Variants in TIMM17A observed in about 807,000 individuals in gnomAD.
TIMM17A encodes mitochondrial import inner membrane translocase subunit Tim17-A.
TIMM17A carries 15 observed loss-of-function variants against 26.5 expected under a neutral mutation model. The ratio of observed to expected loss-of-function variants is 0.57; its 90% confidence interval spans 0.38 to 0.87. The LOEUF is 0.87. Among genes scored for constraint, TIMM17A ranks in the 40% least tolerant of loss-of-function variants. The pLI, the probability that TIMM17A is intolerant of heterozygous loss-of-function variation, is 0.00. For missense variants in TIMM17A, 201 were observed against 210.0 expected, an observed-to-expected ratio of 0.96 and a Z score of 0.27; for synonymous variants, 80 against 70.8, an observed-to-expected ratio of 1.13 and a Z score of -0.66.
intron 3 of TIMM17A, among the ~76,000 whole-genome samples, chr1:201,961,771 A>T (rs1164610383): frequency 2.6e-5 from 4 of 152,078 alleles, no homozygotes; most frequent in Admixed American, 6.6e-5. Context: ...ACAAGTTTAT[A>T]TTGATATCTC....
intron 4 of TIMM17A, among the ~76,000 whole-genome samples, chr1:201,964,635 CTTTTTTTTTTTTT>C (rs570309464): frequency 3.3e-5 from 3 of 90,952 alleles, no homozygotes; most frequent in African/African-American, 1.0e-4. Context: ...TATTTTATTT[CTTTTTTTTTTTTT>C]TTTTTTTTTT....
chr1:201,967,358 G>A (rs2102946348), intron 5 of TIMM17A, among the ~76,000 whole-genome samples: 1 of 151,982 alleles, frequency 6.6e-6, no homozygotes, highest in East Asian at 1.9e-4. Context: ...ATTTTGTTTT[G>A]ACTGCTTCAG....
intron 3 of TIMM17A, among the ~76,000 whole-genome samples, chr1:201,961,039 C>T (rs961288604): frequency 6.6e-6 from 1 of 151,694 alleles, no homozygotes; most frequent in Non-Finnish European, 1.5e-5. Flanking sequence ...CATGAGCCAC[C>T]ACGCCCGGAC....
intron 1 of TIMM17A, 63 bp from the exon 2 acceptor site, chr1:201,957,218 G>A (rs1682429198): frequency 1.8e-6 from 2 of 1,082,100 alleles, no homozygotes; most frequent in Non-Finnish European, 1.4e-6. Flanking sequence ...TTACTGTATT[G>A]GCAAAGAAGA....
chr1:201,964,742 G>A (rs554191924), intron 4 of TIMM17A, among the ~76,000 whole-genome samples: 37 of 138,002 alleles, frequency 2.7e-4, no homozygotes, highest in African/African-American at 9.6e-4. Context: ...TCTGCCTCCC[G>A]GGTTCAAGCG....
Position 201,969,628 on chromosome 1 carries a change from CT to C in TIMM17A, c.*75del. 1 of 1,343,628 alleles carries C rather than the reference CT, an allele frequency of 7.4e-7. No homozygotes were observed. The highest frequency in any genetic ancestry group is 1.1e-6 in the Non-Finnish European group (1 of 939,452). 83.2% of individuals were successfully genotyped at this position (1,343,628 alleles called of 1,614,324 possible). A position where few individuals can be genotyped will look rare whatever the true frequency, so the allele number is the denominator to read the frequency against. On this transcript the variant is annotated 3_prime_UTR_variant, in exon 6 of 6. Transcript: ENST00000367287. ...GGATTTCAGAAGATCAAGTTACAGT[CT>C]GTTTTTAAAACCATAGGTGGGACAG...
intron 4 of TIMM17A, 25 bp from the exon 5 acceptor site, chr1:201,965,408 A>G: frequency 6.7e-7 from 1 of 1,489,188 alleles, no homozygotes; most frequent in Non-Finnish European, 9.4e-7. Context: ...GTAAAAAATA[A>G]TCTCTTTGTT....
intron 5 of TIMM17A, among the ~76,000 whole-genome samples, chr1:201,968,324 T>A (rs565994620): frequency 6.6e-6 from 1 of 152,008 alleles, no homozygotes; most frequent in South Asian, 2.1e-4. Flanking sequence ...GAAAAAAGGT[T>A]AGACAGAACT....
Position 201,957,354 on chromosome 1 carries a change from A to T in TIMM17A, c.100A>T (p.Ile34Phe). The T allele has an allele frequency of 6.2e-7, 1 of 1,613,976 alleles. No individual in the cohort carries two copies. The change falls in exon 2 of 6, where the codon ATC becomes TTC. Residue 34 changes from isoleucine (I) to phenylalanine (F), a missense_variant. By Grantham distance (21) the Ile-to-Phe change is conservative (BLOSUM62 0). Coordinates refer to ENST00000367287, the MANE Select transcript of TIMM17A (RefSeq NM_006335.3). ...GTIGGGIFQA[I>F]KGFRNSPVGV... ...CATTGGTGGTGGTATCTTTCAAGCA[A>T]TCAAAGGTTTTCGCAATTCTCCAGT...
At chr1:201,963,870 A>G (rs1682577163) in intron 4 of TIMM17A, 126 bp downstream of exon 4, 1 of 1,101,534 alleles carries the variant, frequency 9.1e-7, no homozygotes, top group Non-Finnish European at 1.2e-6. Flanking sequence ...TCATGACTAT[A>G]ATTCCATCAC....
At chr1:201,960,797 G>T in intron 3 of TIMM17A, among the ~76,000 whole-genome samples, 1 of 151,890 alleles carries the variant, frequency 6.6e-6, no homozygotes. Flanking sequence ...CACCCAGGCT[G>T]GAGTGTGGTG....
chr1:201,959,857 C>T (rs1025291601), intron 3 of TIMM17A, among the ~76,000 whole-genome samples: 3 of 151,428 alleles, frequency 2.0e-5, no homozygotes, highest in African/African-American at 4.9e-5. Context: ...AAAAATTAGC[C>T]GGGCATGGTG....
At chr1:201,968,982 G>A (rs796470300) in intron 5 of TIMM17A, among the ~76,000 whole-genome samples, 3 of 151,738 alleles carry the variant, frequency 2.0e-5, no homozygotes, top group South Asian at 4.2e-4. Context: ...TAAGCTAGGG[G>A]GTGTCTTCCC....
rs1682439247 is a variant in TIMM17A at position 201,957,573 on chromosome 1, A to T, written c.189A>T (p.Gly63=). 1 of 1,610,890 alleles carries T rather than the reference A, an allele frequency of 6.2e-7. No individual in the cohort carries two copies. The highest frequency in any genetic ancestry group is 8.5e-7 in the Non-Finnish European group (1 of 1,179,188). The change falls in exon 3 of 6, where the codon GGA becomes GGT. Residue 63 remains glycine (G), a splice_region_variant and synonymous_variant. Transcript: ENST00000367287. ...TTAAAACCAGGGCTCCACAGTTAGG[A>T]GGTAAGCAGAATTTTCATTTTAACT... The part of the protein sequence containing the change: ...TAIKTRAPQL[G]GSFAVWGGLF...
At position 201,957,590 on chromosome 1, in the gene TIMM17A, A is replaced by G. The variant is rs765346267; in HGVS notation, c.190+16A>G. ...CAGTTAGGAGGTAAGCAGAATTTTC[A>G]TTTTAACTGAACTATTTTTTTCTGT... is the stretch of plus-strand genomic sequence containing the variant. On this transcript the variant is annotated intron_variant, in intron 3 of 5. Coordinates refer to ENST00000367287, the MANE Select transcript of TIMM17A (RefSeq NM_006335.3). The G allele has an allele frequency of 2.1e-5, 33 of 1,598,992 alleles. No individual in the cohort carries two copies. Among genetic ancestry groups the G allele is most frequent in the Admixed American group, 5.2e-5 (3 of 57,968 alleles).
rs1013362182 is a variant in TIMM17A, at chr1:201,963,538, A to G, written c.191-78A>G. ...TATAAATTTTGAGACTATAGTGAGT[A>G]TGTTTTTGACTATAATATTTTAAAT... On this transcript the variant is annotated intron_variant, in intron 3 of 5. Coordinates refer to ENST00000367287, the MANE Select transcript of TIMM17A (RefSeq NM_006335.3). 13 of 1,471,278 alleles carry G rather than the reference A, an allele frequency of 8.8e-6. No homozygotes were observed. The East Asian group carries it at 9.3e-5, about 11-fold the overall frequency. The allele number at this position is 1,471,278 out of a possible 1,614,324, so 91.1% of individuals were successfully genotyped here.
intron 5 of TIMM17A, among the ~76,000 whole-genome samples, chr1:201,966,344 G>A (rs902584879): frequency 4.6e-5 from 7 of 151,746 alleles, no homozygotes; most frequent in African/African-American, 1.7e-4. Flanking sequence ...GCTGGTCGAT[G>A]GAGCGAGACT....
intron 4 of TIMM17A, among the ~76,000 whole-genome samples, chr1:201,963,946 G>C (rs1437166116): frequency 6.6e-6 from 1 of 151,028 alleles, no homozygotes; most frequent in Admixed American, 6.7e-5. Context: ...GGGAGACCTG[G>C]TCTCTACAAA....
intron 5 of TIMM17A, among the ~76,000 whole-genome samples, chr1:201,969,042 A>C (rs901942644): frequency 6.6e-6 from 1 of 152,214 alleles, no homozygotes; most frequent in African/African-American, 2.4e-5. Context: ...TGGATTACCA[A>C]GTTCTCTTAA....
Sources: gnomAD v4.1 joint callset for allele counts (sites outside exome capture counted in the v4.1 genomes callset) on GRCh38, gnomAD v4.1.1 for gene constraint, MANE v1.5 for transcripts, NCBI Gene and HGNC (gene_info 2026-07-23, HGNC 2026-07-21) for gene names.